Variants in LDLRAD3 observed in about 807,000 individuals in gnomAD.
The protein encoded by LDLRAD3 is low density lipoprotein receptor class A domain containing 3.
Under a neutral mutation model 29.4 loss-of-function variants are expected in LDLRAD3, and 20 were observed. The ratio of observed to expected loss-of-function variants is 0.68; its 90% CI spans 0.48 to 0.99. The LOEUF is 0.99. Ranked by LOEUF, LDLRAD3 falls within the 50% of genes least tolerant of loss-of-function variation. The pLI, the probability that LDLRAD3 is intolerant of heterozygous loss-of-function variation, is 0.00. For synonymous variants in LDLRAD3, 157 were observed against 192.7 expected (o/e 0.81, Z 1.53); for missense variants, 420 against 454.3 (o/e 0.92, Z 0.69).
At chr11:36,063,811 A>G (rs1421744627) in intron 2 of LDLRAD3, among the ~76,000 whole-genome samples, 1 of 152,180 alleles carries the variant, frequency 6.6e-6, no homozygotes, top group African/African-American at 2.4e-5. Flanking sequence ...TAATTACTCT[A>G]GCTTTGTGTA....
At chr11:36,167,893 C>T (rs1267952526) in intron 4 of LDLRAD3, among the ~76,000 whole-genome samples, 1 of 152,206 alleles carries the variant, frequency 6.6e-6, no homozygotes, top group Non-Finnish European at 1.5e-5. Context: ...CACCTTGACA[C>T]ATGGATGCAG....
chr11:36,102,851 C>G (rs1590269090), intron 4 of LDLRAD3, among the ~76,000 whole-genome samples: 1 of 152,138 alleles, frequency 6.6e-6, no homozygotes, highest in Middle Eastern at 3.4e-3. Flanking sequence ...ACTCAGGTGG[C>G]CTTACAAATG....
At chr11:36,008,621 GC>G (rs1422685993) in intron 1 of LDLRAD3, among the ~76,000 whole-genome samples, 2 of 152,196 alleles carry the variant, frequency 1.3e-5, no homozygotes, top group Non-Finnish European at 2.9e-5. Context: ...CTCTGTATGT[GC>G]CTGTGTCAAT....
intron 2 of LDLRAD3, among the ~76,000 whole-genome samples, chr11:36,041,957 A>G (rs1470261431): frequency 5.9e-5 from 9 of 152,234 alleles, no homozygotes; most frequent in Non-Finnish European, 5.9e-5. Flanking sequence ...ATCCAGAGAT[A>G]GAAAAGTAGG....
intron 2 of LDLRAD3, among the ~76,000 whole-genome samples, chr11:36,045,635 G>T (rs1285918133): frequency 6.6e-6 from 1 of 151,794 alleles, no homozygotes; most frequent in African/African-American, 2.4e-5. Context: ...TCATGGGTGG[G>T]ACCTGGTGGG....
intron 1 of LDLRAD3, among the ~76,000 whole-genome samples, chr11:36,028,391 G>A (rs888863947): frequency 2.0e-5 from 3 of 152,176 alleles, no homozygotes; most frequent in Admixed American, 6.5e-5. Context: ...AGTGGTGGAT[G>A]TGATGGGATA....
At chr11:36,015,832 A>T (rs574207188) in intron 1 of LDLRAD3, among the ~76,000 whole-genome samples, 1 of 151,764 alleles carries the variant, frequency 6.6e-6, no homozygotes, top group Non-Finnish European at 1.5e-5. Context: ...TGCAAGGACA[A>T]CTCCAAAACC....
In LDLRAD3 at chr11:36,188,879, G is replaced by C. The variant is rs966119536; in HGVS notation, c.455-38206G>C. Among the ~76,000 whole-genome samples the C allele has an allele frequency of 2.0e-5, 3 of 151,934 alleles. No homozygotes were observed. The South Asian group carries it at 6.2e-4, about 32-fold the overall frequency. On this transcript the variant is annotated intron_variant, in intron 4 of 5. Coordinates refer to ENST00000315571, the MANE Select transcript of LDLRAD3 (RefSeq NM_174902.4). Reference sequence around the variant, plus strand: ...TCCTTCTAAGCAGGAGTTTATAAAAGTCTTCTTTGGGAAAACTCACCAGTT... The same window carrying C: ...TCCTTCTAAGCAGGAGTTTATAAAACTCTTCTTTGGGAAAACTCACCAGTT...
chr11:36,034,311 G>A lies in LDLRAD3; in HGVS notation c.47-1792G>A, dbSNP rs1852276835. On this transcript the variant is annotated intron_variant, in intron 1 of 5. Coordinates refer to ENST00000315571, the MANE Select transcript of LDLRAD3 (RefSeq NM_174902.4). ...AGCTGGCAGGCAGGGAGGCCAAGTT[G>A]GGAAGTTGTGCTGTGCAGCAATCCC... Among the ~76,000 whole-genome samples the A allele has an allele frequency of 2.6e-5, 4 of 152,146 alleles. No homozygotes were observed. In the South Asian group the frequency reaches 8.3e-4, roughly 32 times the overall value.
chr11:35,976,658 T>G (rs10836477), intron 1 of LDLRAD3, among the ~76,000 whole-genome samples: 86,113 of 151,794 alleles, frequency 0.57, 26,895 homozygotes, highest in African/African-American at 0.84. Context: ...ATCGTGTTAG[T>G]CACTTGGGGG....
intron 4 of LDLRAD3, among the ~76,000 whole-genome samples, chr11:36,119,104 A>C (rs1160547772): frequency 6.6e-6 from 1 of 152,216 alleles, no homozygotes; most frequent in African/African-American, 2.4e-5. Flanking sequence ...CTGATGAGCT[A>C]AAAATAAAAA....
At chr11:36,057,127 T>C (rs2133229778) in intron 2 of LDLRAD3, among the ~76,000 whole-genome samples, 1 of 152,270 alleles carries the variant, frequency 6.6e-6, no homozygotes, top group South Asian at 2.1e-4. Context: ...AGGACCTTTC[T>C]GGGATATTCT....
At chr11:35,968,422 T>C in intron 1 of LDLRAD3, 1 of 372,128 alleles carries the variant, frequency 2.7e-6, no homozygotes, top group Non-Finnish European at 5.4e-6. Flanking sequence ...CTGGTTGGCC[T>C]GGTGTCTCAG....
intron 4 of LDLRAD3, among the ~76,000 whole-genome samples, chr11:36,193,411 A>C (rs1854985816): frequency 6.6e-6 from 1 of 152,170 alleles, no homozygotes; most frequent in South Asian, 2.1e-4. Flanking sequence ...TACAGTCGCC[A>C]GAACAATTTT....
chr11:36,024,652 C>T (rs1335310902), intron 1 of LDLRAD3, among the ~76,000 whole-genome samples: 3 of 152,300 alleles, frequency 2.0e-5, no homozygotes, highest in East Asian at 3.9e-4. Flanking sequence ...ACCCTCAAAC[C>T]ACTTCTTCTG....
intron 2 of LDLRAD3, among the ~76,000 whole-genome samples, chr11:36,044,383 T>C (rs916918991): frequency 6.6e-6 from 1 of 152,120 alleles, no homozygotes; most frequent in Admixed American, 6.5e-5. Flanking sequence ...ATGAGGCTTG[T>C]AGCTGGTGCC....
intron 4 of LDLRAD3, among the ~76,000 whole-genome samples, chr11:36,171,092 T>C (rs1250027320): frequency 6.6e-6 from 1 of 151,970 alleles, no homozygotes; most frequent in Non-Finnish European, 1.5e-5. Context: ...GACGTTTATC[T>C]TCTTTTGGGA....
chr11:36,095,427 GT>G (rs2133270953), intron 3 of LDLRAD3, among the ~76,000 whole-genome samples: 1 of 150,832 alleles, frequency 6.6e-6, no homozygotes, highest in South Asian at 2.1e-4. Flanking sequence ...TTATTTCACG[GT>G]TTTACTGACC....
intron 3 of LDLRAD3, among the ~76,000 whole-genome samples, chr11:36,094,820 A>G (rs1853335200): frequency 6.6e-6 from 1 of 152,238 alleles, no homozygotes; most frequent in Non-Finnish European, 1.5e-5. Context: ...TACAGGTGTG[A>G]GTCACCATGT....
Sources: gnomAD v4.1 joint callset for allele counts (sites outside exome capture counted in the v4.1 genomes callset) on GRCh38, gnomAD v4.1.1 for gene constraint, MANE v1.5 for transcripts, NCBI Gene and HGNC (gene_info 2026-07-23, HGNC 2026-07-21) for gene names.